Variants in GALNT17 observed in about 807,000 individuals in gnomAD.
GALNT17 encodes the protein UDP-GalNAc:polypeptide N-acetylgalactosaminyltransferase-like 3.
In GALNT17, 29 loss-of-function variants were observed where a neutral mutation model predicts 63.7. The ratio of observed to expected loss-of-function variants is 0.46; its 90% CI spans 0.34 to 0.62. GALNT17 has a LOEUF of 0.62. Ranked by LOEUF, GALNT17 falls within the 20% of genes least tolerant of loss-of-function variation. The pLI is 0.01. For missense variants in GALNT17, 603 were observed against 799.6 expected (o/e 0.75, Z 2.97); for synonymous variants, 305 against 318.3 (o/e 0.96, Z 0.45).
rs956135596 is a variant in GALNT17 at position 71,706,117 on chromosome 7, C to T, written c.1501-4644C>T. On this transcript the variant is annotated intron_variant, in intron 9 of 10. Coordinates refer to ENST00000333538, the MANE Select transcript of GALNT17 (RefSeq NM_022479.3). ...CCCCATCATTCTTCAGACCACAGTA[C>T]TGGCTTCTAACTTTCTCAGAAAAGG... Among the ~76,000 whole-genome samples, 4 of 152,338 alleles carry T rather than the reference C, an allele frequency of 2.6e-5. No homozygotes were observed. In the South Asian group the frequency reaches 6.2e-4, roughly 24 times the overall value.
In GALNT17 at chr7:71,132,990, T is replaced by C. The variant is rs767887173; in HGVS notation, c.188T>C (p.Val63Ala). The change falls in exon 1 of 11, where the codon GTC becomes GCC. Residue 63 changes from valine (V) to alanine (A), a missense_variant. By Grantham distance (64) the Val-to-Ala change is moderately conservative. Transcript: ENST00000333538. ...AGCGCCAGCCCCATCCAGGATGCGG[T>C]CCTGAAGCGCCTGTCGCTGCTGGAG... The part of the protein sequence containing the change: ...AHSASPIQDA[V>A]LKRLSLLEDI... The C allele has an allele frequency of 1.2e-6, 2 of 1,603,866 alleles. No homozygotes were observed. The highest frequency in any genetic ancestry group is 2.2e-5 in the South Asian group (2 of 90,468).
chr7:71,297,174 A>G (rs1034306773), intron 1 of GALNT17, among the ~76,000 whole-genome samples: 3 of 152,184 alleles, frequency 2.0e-5, no homozygotes, highest in Admixed American at 6.5e-5. Flanking sequence ...CTCTTGGCAC[A>G]TGGTACTGCT....
In GALNT17 at chr7:71,642,665, G is replaced by A. The variant is rs570809944; in HGVS notation, c.1081-22746G>A. Among the ~76,000 whole-genome samples, 360 of 152,146 alleles carry A rather than the reference G, an allele frequency of 2.4e-3. 2 individuals carry two copies. The highest frequency in any genetic ancestry group is 8.2e-3 in the African/African-American group (339 of 41,516). On this transcript the variant is annotated intron_variant, in intron 6 of 10. Transcript: ENST00000333538. Reference sequence around the variant, plus strand: ...AACCTGACCAACATGGTGAAATCCCGTCTCTACTAAAAATACAAAATTAGC... The same window carrying A: ...AACCTGACCAACATGGTGAAATCCCATCTCTACTAAAAATACAAAATTAGC...
chr7:71,633,284 A>G (rs1263376030), intron 6 of GALNT17, among the ~76,000 whole-genome samples: 1 of 152,060 alleles, frequency 6.6e-6, no homozygotes, highest in Non-Finnish European at 1.5e-5. Context: ...GTTTCCCAAT[A>G]TGGAACACTC....
intron 6 of GALNT17, among the ~76,000 whole-genome samples, chr7:71,584,687 G>A (rs1344369864): frequency 2.0e-5 from 3 of 152,154 alleles, no homozygotes; most frequent in Non-Finnish European, 4.4e-5. Context: ...ATCCCAGCAA[G>A]GTCTACACAC....
intron 2 of GALNT17, among the ~76,000 whole-genome samples, chr7:71,336,990 C>T (rs1177683376): frequency 2.0e-5 from 3 of 152,110 alleles, no homozygotes; most frequent in Admixed American, 2.0e-4. Flanking sequence ...ACAACCTCTC[C>T]AGCATCTGTT....
chr7:71,258,187 T>A (rs538594752), intron 1 of GALNT17, among the ~76,000 whole-genome samples: 3 of 152,190 alleles, frequency 2.0e-5, no homozygotes, highest in Non-Finnish European at 4.4e-5. Context: ...GTATAGAACA[T>A]AGGGCCAGGC....
intron 5 of GALNT17, among the ~76,000 whole-genome samples, chr7:71,448,584 C>T (rs114970135): frequency 0.019 from 2,849 of 151,870 alleles, 40 homozygotes; most frequent in African/African-American, 0.029. Flanking sequence ...GGTTCTTTAT[C>T]GATCTTTTGC....
chr7:71,352,642 C>T (rs1041383126), intron 2 of GALNT17, among the ~76,000 whole-genome samples: 1 of 152,072 alleles, frequency 6.6e-6, no homozygotes, highest in African/African-American at 2.4e-5. Flanking sequence ...GGGAGATAGA[C>T]CTTTGAAGGC....
At chr7:71,199,677 CCATCCAT>C (rs1789129220) in intron 1 of GALNT17, among the ~76,000 whole-genome samples, 1 of 10,096 alleles carries the variant, frequency 9.9e-5, no homozygotes, top group African/African-American at 2.9e-4. Context: ...TTCCACCCAT[CCATCCAT>C]CCATCCATCC....
At chr7:71,181,397 A>AG (rs1243873927) in intron 1 of GALNT17, among the ~76,000 whole-genome samples, 23 of 152,318 alleles carry the variant, frequency 1.5e-4, no homozygotes, top group African/African-American at 5.3e-4. Context: ...AGAAAAGAAA[A>AG]GGGAGGGTCA....
At chr7:71,550,483 C>T (rs1019930339) in intron 5 of GALNT17, among the ~76,000 whole-genome samples, 10 of 152,110 alleles carry the variant, frequency 6.6e-5, no homozygotes, top group Non-Finnish European at 1.2e-4. Flanking sequence ...CGGGTTCAAG[C>T]AATTCTCCTG....
intron 5 of GALNT17, among the ~76,000 whole-genome samples, chr7:71,479,928 C>A (rs1281624562): frequency 6.6e-6 from 1 of 152,176 alleles, no homozygotes; most frequent in Non-Finnish European, 1.5e-5. Flanking sequence ...GAGACAACTT[C>A]TTTCTTTGAA....
At chr7:71,406,108 A>T (rs1440617812) in intron 3 of GALNT17, among the ~76,000 whole-genome samples, 3 of 152,218 alleles carry the variant, frequency 2.0e-5, no homozygotes, top group Non-Finnish European at 2.9e-5. Context: ...AATTTGGCTG[A>T]CTAGTGTTCT....
intron 6 of GALNT17, among the ~76,000 whole-genome samples, chr7:71,655,152 G>T (rs961192930): frequency 3.3e-5 from 5 of 152,116 alleles, no homozygotes; most frequent in Admixed American, 6.5e-5. Flanking sequence ...CTACTCGGGA[G>T]GCTGGGGCAG....
chr7:71,489,388 C>G (rs912847189), intron 5 of GALNT17, among the ~76,000 whole-genome samples: 1 of 152,166 alleles, frequency 6.6e-6, no homozygotes, highest in Non-Finnish European at 1.5e-5. Flanking sequence ...GAGATTCAGA[C>G]ACAACACAAA....
intron 9 of GALNT17, among the ~76,000 whole-genome samples, chr7:71,697,613 A>T (rs1004680593): frequency 6.6e-6 from 1 of 152,160 alleles, no homozygotes; most frequent in Non-Finnish European, 1.5e-5. Flanking sequence ...CACTAGCAGG[A>T]TTACCTTGGC....
At chr7:71,452,722 AG>A (rs1220390786) in intron 5 of GALNT17, among the ~76,000 whole-genome samples, 1 of 152,180 alleles carries the variant, frequency 6.6e-6, no homozygotes, top group African/African-American at 2.4e-5. Context: ...TGAGCAGAGC[AG>A]GGGGTGACTC....
intron 5 of GALNT17, among the ~76,000 whole-genome samples, chr7:71,544,297 A>ATT (rs754061155): frequency 0.012 from 1,445 of 116,864 alleles, 19 homozygotes; most frequent in Middle Eastern, 0.025. Flanking sequence ...ACGCCCGGCT[A>ATT]TTTTTTTTTT....
Sources: gnomAD v4.1 joint callset for allele counts (sites outside exome capture counted in the v4.1 genomes callset) on GRCh38, gnomAD v4.1.1 for gene constraint, MANE v1.5 for transcripts, NCBI Gene and HGNC (gene_info 2026-07-23, HGNC 2026-07-21) for gene names.